Variants in SH3D19 observed in about 807,000 individuals in gnomAD.
SH3D19 encodes SH3 domain containing 19, also known as SH3 domain-containing protein 19.
In SH3D19, 58 loss-of-function variants were observed where a neutral mutation model predicts 112.1. The ratio of observed to expected loss-of-function variants is 0.52; its 90% confidence interval spans 0.42 to 0.64. The LOEUF is 0.64. Among genes scored for constraint, SH3D19 ranks in the 30% least tolerant of loss-of-function variants. The probability of loss-of-function intolerance (pLI) is 0.00; values close to 1 mark genes in which losing one functional copy is unlikely to be tolerated. For synonymous variants in SH3D19, 391 were observed against 448.5 expected (o/e 0.87, Z 1.62); for missense variants, 1,090 against 1,263.4 (o/e 0.86, Z 2.08).
At chr4:151,123,965 A>G (rs1309811764) in intron 19 of SH3D19, among the ~76,000 whole-genome samples, 1 of 152,194 alleles carries the variant, frequency 6.6e-6, no homozygotes, top group Non-Finnish European at 1.5e-5. Context: ...CTCTGCTAAA[A>G]TCTGTAAAAA....
At chr4:151,200,506 G>A (rs113327358) in intron 2 of SH3D19, among the ~76,000 whole-genome samples, 9 of 152,086 alleles carry the variant, frequency 5.9e-5, no homozygotes, top group South Asian at 2.1e-4. Context: ...TGCTAATGAC[G>A]TGCTACTGTG....
chr4:151,144,079 C>T (rs1753491224), intron 11 of SH3D19, 29 bp from the exon 12 acceptor site: 2 of 1,593,466 alleles, frequency 1.3e-6, no homozygotes, highest in Admixed American at 1.8e-5. Flanking sequence ...CTCTCTGAAG[C>T]AATTATTATT....
intron 1 of SH3D19, among the ~76,000 whole-genome samples, chr4:151,237,020 T>C (rs1443695077): frequency 6.6e-6 from 1 of 152,232 alleles, no homozygotes; most frequent in East Asian, 1.9e-4. Flanking sequence ...TTCCATACTG[T>C]GGAAGCTTTG....
In SH3D19 at chr4:151,159,841, T is replaced by G. The variant is rs577128880; in HGVS notation, c.1643-489A>C. ...TGGCTACCAGCACAGTTAAAGAACA[T>G]TTCTATCTTTGTAGAAAGTTCTATC... is the stretch of plus-strand genomic sequence containing the variant. On this transcript the variant is annotated intron_variant, in intron 8 of 19. Transcript: ENST00000604030. 2.0e-5 allele frequency among the ~76,000 whole-genome samples: 3 copies of G among 152,304 alleles called. No homozygotes were observed. In the East Asian group the frequency reaches 5.8e-4, roughly 29 times the overall value.
rs1450162736 is a variant in SH3D19, at chr4:151,133,134, C to G, written c.2589G>C (p.Glu863Asp). The change falls in exon 16 of 20, where the codon GAG becomes GAC. Residue 863 changes from glutamate (E) to aspartate (D), a missense_variant. By Grantham distance (45) the Glu-to-Asp change is conservative. Transcript: ENST00000604030. The part of the protein sequence containing the change: ...EIIILKEYVN[E>D]EWARGEVRGR... ...CTCGAACTTCTCCTCTGGCCCATTCCTCATTCACATACTCTTTAAGAATAA... is the reference window on the plus strand; with the variant it reads ...CTCGAACTTCTCCTCTGGCCCATTCGTCATTCACATACTCTTTAAGAATAA... The G allele has an allele frequency of 2.5e-6, 4 of 1,614,146 alleles. No individual in the cohort carries two copies. The South Asian group carries it at 4.4e-5, about 18-fold the overall frequency.
intron 1 of SH3D19, among the ~76,000 whole-genome samples, chr4:151,247,455 G>A (rs534181266): frequency 6.6e-6 from 1 of 152,306 alleles, no homozygotes; most frequent in African/African-American, 2.4e-5. Context: ...GAGTTCTGGA[G>A]TCAGATACAG....
At chr4:151,290,494 T>C (rs1446661228) in intron 1 of SH3D19, among the ~76,000 whole-genome samples, 4 of 152,160 alleles carry the variant, frequency 2.6e-5, no homozygotes, top group South Asian at 2.1e-4. Flanking sequence ...GGCAAATCCA[T>C]AGAGGCAGAG....
At chr4:151,165,913 T>C (rs75271898) in intron 7 of SH3D19, 25,386 of 476,700 alleles carry the variant, frequency 0.053, 1,142 homozygotes, top group East Asian at 0.19. Context: ...TCTTCCTCTC[T>C]GATGAGAGAG....
At chr4:151,190,963 C>T (rs919879537) in intron 2 of SH3D19, among the ~76,000 whole-genome samples, 1 of 152,170 alleles carries the variant, frequency 6.6e-6, no homozygotes, top group African/African-American at 2.4e-5. Context: ...GAGGCTATAC[C>T]CTGCAAAACC....
intron 1 of SH3D19, among the ~76,000 whole-genome samples, chr4:151,308,898 C>T (rs1214960359): frequency 6.6e-6 from 1 of 152,116 alleles, no homozygotes; most frequent in Non-Finnish European, 1.5e-5. Context: ...AGACGTCTTG[C>T]TCTGTCACCC....
chr4:151,162,546 A>T (rs1757330696), intron 8 of SH3D19, among the ~76,000 whole-genome samples: 1 of 151,792 alleles, frequency 6.6e-6, no homozygotes, highest in Non-Finnish European at 1.5e-5. Context: ...AAAAGTAAAC[A>T]TAGCAGGTCT....
intron 1 of SH3D19, among the ~76,000 whole-genome samples, chr4:151,284,651 T>A (rs1358363662): frequency 6.6e-6 from 1 of 152,238 alleles, no homozygotes; most frequent in African/African-American, 2.4e-5. Context: ...GTTGTTTTGT[T>A]TACTTTAATA....
At chr4:151,214,536 G>A (rs1310368188) in intron 2 of SH3D19, among the ~76,000 whole-genome samples, 3 of 137,316 alleles carry the variant, frequency 2.2e-5, no homozygotes, top group Non-Finnish European at 4.9e-5. Flanking sequence ...AGGGGCGGCC[G>A]GGCAGAGGCG....
chr4:151,206,885 G>A (rs562454536), intron 2 of SH3D19, among the ~76,000 whole-genome samples: 2 of 152,198 alleles, frequency 1.3e-5, no homozygotes, highest in African/African-American at 4.8e-5. Flanking sequence ...TTCAGTTTTT[G>A]CAGTCTTCTC....
intron 17 of SH3D19, among the ~76,000 whole-genome samples, chr4:151,131,105 C>T (rs1407673790): frequency 6.6e-6 from 1 of 152,076 alleles, no homozygotes; most frequent in Non-Finnish European, 1.5e-5. Context: ...CCTCTCATGA[C>T]ATTTAAAAAC....
chr4:151,162,594 G>A (rs2149802233), intron 8 of SH3D19, among the ~76,000 whole-genome samples: 1 of 142,900 alleles, frequency 7.0e-6, no homozygotes, highest in African/African-American at 2.8e-5. Context: ...TACAAGATTG[G>A]TCCCTTTTTT....
intron 2 of SH3D19, among the ~76,000 whole-genome samples, chr4:151,195,411 A>G (rs192333306): frequency 1.4e-3 from 214 of 148,730 alleles, no homozygotes; most frequent in African/African-American, 5.2e-3. Context: ...AAAGAAAAAA[A>G]GAGTTAACCT....
At position 151,307,246 on chromosome 4, in the gene SH3D19, T is replaced by C. The variant is rs562393757; in HGVS notation, c.112+17995A>G. Among the ~76,000 whole-genome samples the C allele has an allele frequency of 1.5e-3, 222 of 152,068 alleles. 1 individual carries two copies. The highest frequency in any genetic ancestry group is 2.6e-3 in the Non-Finnish European group (178 of 67,960). ...ACCGTTTTAGCCGGGATGGTCTCGA[T>C]CTCCTGACCTCGTGATCCGCCCGCC... On this transcript the variant is annotated intron_variant, in intron 1 of 19. Coordinates refer to ENST00000604030, the MANE Select transcript of SH3D19 (RefSeq NM_001378122.1).
chr4:151,242,246 C>T (rs1770621668), intron 1 of SH3D19, among the ~76,000 whole-genome samples: 1 of 152,122 alleles, frequency 6.6e-6, no homozygotes, highest in South Asian at 2.1e-4. Context: ...ATTTCTGGTT[C>T]TTTATGAAAA....
Sources: allele counts gnomAD v4.1 joint callset (sites outside exome capture counted in the v4.1 genomes callset), GRCh38; gene constraint gnomAD v4.1.1; transcripts MANE v1.5; gene names NCBI Gene and HGNC (gene_info 2026-07-23, HGNC 2026-07-21).